Variants in TMEM263 observed in about 807,000 individuals in gnomAD.
TMEM263 encodes the protein transmembrane protein 263, also known as UPF0444 transmembrane protein C12orf23.
TMEM263 carries 5 observed loss-of-function variants against 8.6 expected under a neutral mutation model. The ratio of observed to expected loss-of-function variants is 0.58; its 90% CI spans 0.31 to 1.23. TMEM263 has a LOEUF of 1.23. Ranked by LOEUF, TMEM263 falls within the 50% of genes most tolerant of loss-of-function variation. TMEM263 has a pLI of 0.07. For missense variants in TMEM263, 104 were observed against 138.8 expected, an observed-to-expected ratio of 0.75 and a Z score of 1.26; for synonymous variants, 50 against 47.9, an observed-to-expected ratio of 1.04 and a Z score of -0.18.
chr12:106,959,664 C>A (rs1418323685), intron 2 of TMEM263, among the ~76,000 whole-genome samples: 2 of 152,168 alleles, frequency 1.3e-5, no homozygotes, highest in African/African-American at 4.8e-5. Context: ...AAACAGGTCT[C>A]CTGCAATGGT....
Position 106,971,412 on chromosome 12 carries a change from C to G in TMEM263, c.*21C>G. Reference sequence around the variant, plus strand: ...ACTGAAATATAGAGATACACTTGCGCTCCACAGCACTGTAATGCCAGTGGC... The same window carrying G: ...ACTGAAATATAGAGATACACTTGCGGTCCACAGCACTGTAATGCCAGTGGC... On this transcript the variant is annotated 3_prime_UTR_variant, in exon 4 of 4. Coordinates refer to ENST00000280756, the MANE Select transcript of TMEM263 (RefSeq NM_152261.4). 2 of 1,563,464 alleles carry G rather than the reference C, an allele frequency of 1.3e-6. No individual in the cohort carries two copies. The highest frequency in any genetic ancestry group is 1.7e-6 in the Non-Finnish European group (2 of 1,153,866).
In TMEM263 at chr12:106,958,604, G is replaced by A. The variant is rs141966169; in HGVS notation, c.-7+1455G>A. ...TCTACAACAAAGAAGCCTTTCATAT[G>A]TCACAATTTCTTAAAAACCCACTTA... On this transcript the variant is annotated intron_variant, in intron 2 of 3. Transcript: ENST00000280756. 9.3e-4 allele frequency among the ~76,000 whole-genome samples: 141 copies of A among 152,296 alleles called. 1 individual carries two copies. Among genetic ancestry groups the A allele is most frequent in the African/African-American group, 3.2e-3 (131 of 41,558 alleles).
intron 2 of TMEM263, among the ~76,000 whole-genome samples, chr12:106,959,553 C>T (rs754838327): frequency 1.2e-4 from 19 of 152,122 alleles, no homozygotes; most frequent in Non-Finnish European, 1.5e-4. Context: ...TCAGTTGATA[C>T]TTGTCTCTAC....
At chr12:106,962,899 GTC>G (rs1177159593) in intron 2 of TMEM263, among the ~76,000 whole-genome samples, 1 of 152,188 alleles carries the variant, frequency 6.6e-6, no homozygotes, top group Admixed American at 6.5e-5. Context: ...CATTGATTAA[GTC>G]TCTGGTGATA....
In TMEM263 at chr12:106,972,897, A is replaced by G. The variant is rs1318456060; in HGVS notation, c.*1506A>G. On this transcript the variant is annotated 3_prime_UTR_variant, in exon 4 of 4. Transcript: ENST00000280756. ...TTTTTTTTATAGTGGAGGGGAGGAAAGGGGGGTGATACCTTGCAGTAAGTA... is the reference window on the plus strand; with the variant it reads ...TTTTTTTTATAGTGGAGGGGAGGAAGGGGGGGTGATACCTTGCAGTAAGTA... 3 of 145,026 alleles carry G rather than the reference A, an allele frequency of 2.1e-5. No homozygotes were observed. The highest frequency in any genetic ancestry group is 6.9e-5 in the Admixed American group (1 of 14,452). 9.0% of individuals were successfully genotyped at this position (145,026 alleles called of 1,614,324 possible).
chr12:106,968,355 G>A (rs866317349), intron 3 of TMEM263, among the ~76,000 whole-genome samples: 2 of 149,444 alleles, frequency 1.3e-5, no homozygotes, highest in Non-Finnish European at 3.0e-5. Context: ...CAGCCTGGGC[G>A]ACAGAGTGAG....
intron 3 of TMEM263, among the ~76,000 whole-genome samples, chr12:106,969,643 G>A (rs1279192203): frequency 2.0e-5 from 3 of 151,020 alleles, no homozygotes; most frequent in South Asian, 2.1e-4. Flanking sequence ...GGAAAATGGC[G>A]TGAACCCAGG....
In TMEM263 at chr12:106,973,461, G is replaced by C. The variant is rs1196455500; in HGVS notation, c.*2070G>C. ...TTCAACTTTGTTTGTCTTTAAAATT[G>C]CTTGAGGAAAAATGGTTGTAATTAA... On this transcript the variant is annotated 3_prime_UTR_variant, in exon 4 of 4. Coordinates refer to ENST00000280756, the MANE Select transcript of TMEM263 (RefSeq NM_152261.4). 6.6e-6 allele frequency: 1 copy of C among 152,524 alleles called. No individual in the cohort carries two copies. Among genetic ancestry groups the C allele is most frequent in the Non-Finnish European group, 1.5e-5 (1 of 68,004 alleles). The allele number at this position is 152,524 out of a possible 1,614,324, so 9.4% of individuals were successfully genotyped here.
At chr12:106,962,229 C>T (rs1566222536) in intron 2 of TMEM263, among the ~76,000 whole-genome samples, 1 of 150,238 alleles carries the variant, frequency 6.7e-6, no homozygotes, top group African/African-American at 2.4e-5. Flanking sequence ...CCCCCCCGCC[C>T]CCTGGCAATC....
In TMEM263 at chr12:106,967,112, A is replaced by G. The variant is rs1287787091; in HGVS notation, c.-5A>G. ...TGTGTTTGTATGTTTTTTTTTTAGG[A>G]GATCATGAATCAGACAGATAAAAAT... On this transcript the variant is annotated splice_region_variant and 5_prime_UTR_variant, in exon 3 of 4. Transcript: ENST00000280756. The G allele has an allele frequency of 3.2e-6, 5 of 1,575,128 alleles. No homozygotes were observed. The highest frequency in any genetic ancestry group is 8.6e-7 in the Non-Finnish European group (1 of 1,156,712).
At chr12:106,961,264 G>A (rs1470467266) in intron 2 of TMEM263, among the ~76,000 whole-genome samples, 1 of 105,070 alleles carries the variant, frequency 9.5e-6, no homozygotes, top group Non-Finnish European at 1.9e-5. Context: ...TTTTTTTGTG[G>A]AGACGGAGTC....
intron 2 of TMEM263, among the ~76,000 whole-genome samples, chr12:106,960,727 A>G (rs961086728): frequency 7.9e-5 from 12 of 152,196 alleles, no homozygotes; most frequent in Non-Finnish European, 1.6e-4. Context: ...TATCTTTTAA[A>G]AAAAACACAA....
intron 2 of TMEM263, among the ~76,000 whole-genome samples, chr12:106,965,083 G>A (rs1220229892): frequency 7.0e-6 from 1 of 143,258 alleles, no homozygotes; most frequent in Admixed American, 6.8e-5. Flanking sequence ...TGTTGATCCA[G>A]ACCTCACTCT....
rs954887511 is a variant in TMEM263 at position 106,971,789 on chromosome 12, C to T, written c.*398C>T. 5.0e-5 allele frequency: 8 copies of T among 158,648 alleles called. No individual in the cohort carries two copies. In the East Asian group the frequency reaches 7.4e-4, roughly 15 times the overall value. 9.8% of individuals were successfully genotyped at this position (158,648 alleles called of 1,614,324 possible). A position where few individuals can be genotyped will look rare whatever the true frequency, so the allele number is the denominator to read the frequency against. On this transcript the variant is annotated 3_prime_UTR_variant, in exon 4 of 4. Coordinates refer to ENST00000280756, the MANE Select transcript of TMEM263 (RefSeq NM_152261.4). ...GAAGGGAACCTTGAATTACATAAGC[C>T]GTACCTTTGATGTGCCTAATAGTTT...
intron 2 of TMEM263, among the ~76,000 whole-genome samples, chr12:106,960,614 C>CGTGGGA (rs1046800542): frequency 6.6e-6 from 1 of 151,924 alleles, no homozygotes; most frequent in Non-Finnish European, 1.5e-5. Flanking sequence ...TCATGGTGGG[C>CGTGGGA]GTGGGAGTGG....
intron 2 of TMEM263, among the ~76,000 whole-genome samples, chr12:106,960,674 G>A (rs1022014155): frequency 6.6e-6 from 1 of 151,974 alleles, no homozygotes; most frequent in Non-Finnish European, 1.5e-5. Context: ...GAATATACCC[G>A]GAAGCAGCCC....
chr12:106,958,826 C>T (rs1266556970), intron 2 of TMEM263, among the ~76,000 whole-genome samples: 3 of 152,002 alleles, frequency 2.0e-5, no homozygotes, highest in Non-Finnish European at 4.4e-5. Flanking sequence ...GCCCAGGCTG[C>T]TCTCAAACCC....
intron 3 of TMEM263, among the ~76,000 whole-genome samples, chr12:106,968,064 G>A (rs1181476992): frequency 6.6e-6 from 1 of 152,076 alleles, no homozygotes; most frequent in East Asian, 1.9e-4. Flanking sequence ...ATGACTAGAG[G>A]CATGTTTTTG....
intron 2 of TMEM263, among the ~76,000 whole-genome samples, chr12:106,957,762 A>C (rs1231819554): frequency 2.6e-5 from 4 of 152,302 alleles, no homozygotes; most frequent in East Asian, 3.9e-4. Flanking sequence ...TGACACTGTC[A>C]GTTATTACTC....
Sources: allele counts gnomAD v4.1 joint callset (sites outside exome capture counted in the v4.1 genomes callset), GRCh38; gene constraint gnomAD v4.1.1; transcripts MANE v1.5; gene names NCBI Gene and HGNC (gene_info 2026-07-23, HGNC 2026-07-21).